Variants in UNC119 observed in about 807,000 individuals in gnomAD.
The protein encoded by UNC119 is protein unc-119 homolog A.
Under a neutral mutation model 22.6 loss-of-function variants are expected in UNC119, and 15 were observed. The observed-to-expected ratio is 0.66, with a 90% CI of 0.44 to 1.02. The LOEUF (loss-of-function observed/expected upper bound fraction) is 1.02. UNC119 is among the 50% of genes least tolerant of loss of function. UNC119 has a pLI of 0.00. For synonymous variants in UNC119, 138 were observed against 139.4 expected, an observed-to-expected ratio of 0.99 and a Z score of 0.07; for missense variants, 322 against 336.0, an observed-to-expected ratio of 0.96 and a Z score of 0.33.
At chr17:28,548,497 C>T (rs1350407164) in intron 2 of UNC119, 95 bp downstream of exon 2, 7 of 1,060,912 alleles carry the variant, frequency 6.6e-6, no homozygotes, top group Admixed American at 3.7e-5. Flanking sequence ...CAAGCCCCAG[C>T]TCTGTGGACT....
In UNC119 at chr17:28,548,094, C is replaced by T. The variant is rs1267378403; in HGVS notation, c.342G>A (p.Leu114=). The change falls in exon 3 of 5, where the codon TTG becomes TTA. Residue 114 remains leucine (L), a synonymous_variant. Transcript: ENST00000335765. ...EIKKPPVSER[L]PINRRDLDPN... is the part of the protein sequence containing the mutation. The stretch of plus-strand genomic sequence containing the variant: ...GGTCCAGGTCCCGCCGGTTGATGGG[C>T]AACCGTTCTGCAATGTACCCCAGCT... The T allele has an allele frequency of 6.2e-7, 1 of 1,613,274 alleles. No individual in the cohort carries two copies. The highest frequency in any genetic ancestry group is 1.7e-5 in the Admixed American group (1 of 59,990).
chr17:28,552,389 T>G lies in UNC119; in HGVS notation c.169A>C (p.Lys57Gln). 1 of 1,551,586 alleles carries G rather than the reference T, an allele frequency of 6.4e-7. No individual in the cohort carries two copies. The highest frequency in any genetic ancestry group is 8.6e-7 in the Non-Finnish European group (1 of 1,156,198). The stretch of plus-strand genomic sequence containing the variant: ...ACGTCCTCCGGCCCGATCGGCTGCT[T>G]CCTCTGCAGCGGCCCCGGCCTGGGC... Reference protein sequence around the residue: ...PGPRPGPLQRKQPIGPEDVLG... With the variant: ...PGPRPGPLQRQQPIGPEDVLG... The change falls in exon 1 of 5, where the codon AAG becomes CAG. Residue 57 changes from lysine (K) to glutamine (Q), a missense_variant. Lys to Gln is a moderately conservative substitution (Grantham distance 53). Coordinates refer to ENST00000335765, the MANE Select transcript of UNC119 (RefSeq NM_005148.4).
At position 28,552,463 on chromosome 17, in the gene UNC119, G is replaced by T. The variant is rs959835728; in HGVS notation, c.95C>A (p.Pro32His). The T allele has an allele frequency of 7.0e-6, 11 of 1,578,546 alleles. No individual in the cohort carries two copies. The highest frequency in any genetic ancestry group is 3.5e-5 in the Admixed American group (2 of 57,876). The stretch of plus-strand genomic sequence containing the variant: ...CTCGGACCCAGATTCGGATTCCGCA[G>T]GCGGCTGTGGTATGGGGGCCACGCT... ...GQSVAPIPQP[P>H]AESESGSESE... Residue 32 changes from proline to histidine, a missense_variant, in exon 1 of 5, where the codon CCT (proline) becomes CAT (histidine). By Grantham distance (77) the Pro-to-His change is moderately conservative. Transcript: ENST00000335765.
chr17:28,551,641 CAG>C (rs1157864657), intron 1 of UNC119: 2 of 153,412 alleles, frequency 1.3e-5, no homozygotes, highest in East Asian at 3.8e-4. Flanking sequence ...AATTATATGG[CAG>C]AGTTGGAACT....
chr17:28,551,857 G>A (rs1030496024), intron 1 of UNC119: 1 of 240,236 alleles, frequency 4.2e-6, no homozygotes, highest in African/African-American at 2.4e-5. Context: ...AAGTCTTCCT[G>A]GAGGATCAGG....
Position 28,552,343 on chromosome 17 carries a change from G to C in UNC119, c.215C>G (p.Thr72Ser). Reference protein sequence around the residue: ...PEDVLGLQRITGDYLCSPEEN... With the variant: ...PEDVLGLQRISGDYLCSPEEN... ...GCTCCCTCGCGGGTGCTCACCACCG[G>C]TGATCCGCTGCAGCCCCAGCACGTC... Residue 72 changes from threonine (T) to serine (S), a missense_variant, in exon 1 of 5, where the codon ACC becomes AGC. Transcript: ENST00000335765. 1 of 1,536,062 alleles carries C rather than the reference G, an allele frequency of 6.5e-7. No homozygotes were observed. Among genetic ancestry groups the C allele is most frequent in the South Asian group, 1.2e-5 (1 of 84,244 alleles).
rs1007666557 is a variant in UNC119 at position 28,552,478 on chromosome 17, G to A, written c.80C>T (p.Pro27Leu). The change falls in exon 1 of 5, where the codon CCC (proline) becomes CTC (leucine). Residue 27 changes from proline to leucine, a missense_variant. Coordinates refer to ENST00000335765, the MANE Select transcript of UNC119 (RefSeq NM_005148.4). Reference sequence around the variant, plus strand: ...GGATTCCGCAGGCGGCTGTGGTATGGGGGCCACGCTCTGGCCCGAGGGCCC... The same window carrying A: ...GGATTCCGCAGGCGGCTGTGGTATGAGGGCCACGCTCTGGCCCGAGGGCCC... ...APGPSGQSVA[P>L]IPQPPAESES... is the part of the protein sequence containing the mutation. The A allele has an allele frequency of 1.9e-6, 3 of 1,577,880 alleles. No individual in the cohort carries two copies. The highest frequency in any genetic ancestry group is 2.7e-5 in the African/African-American group (2 of 72,846).
intron 1 of UNC119, chr17:28,551,490 C>T (rs2070269366): frequency 6.6e-6 from 1 of 152,374 alleles, no homozygotes; most frequent in Admixed American, 6.5e-5. Flanking sequence ...ATGTACACAG[C>T]ATGCATAGAT....
At chr17:28,550,794 T>A (rs758434095) in intron 1 of UNC119, 2 of 152,260 alleles carry the variant, frequency 1.3e-5, no homozygotes, top group Admixed American at 6.5e-5. Context: ...CTAAGGGCTA[T>A]GAATTTCCTC....
Position 28,547,203 on chromosome 17 carries a change from C to G in UNC119, c.*94G>C. On this transcript the variant is annotated 3_prime_UTR_variant, in exon 5 of 5. Transcript: ENST00000335765. ...GGTCCGGAGCTCCTGGAGAACTCCC[C>G]AAGCAGAGGACTTGGGGTTGAGGGG... 5.4e-6 allele frequency: 8 copies of G among 1,493,004 alleles called. No homozygotes were observed. The highest frequency in any genetic ancestry group is 7.4e-6 in the Non-Finnish European group (8 of 1,087,560). The allele number at this position is 1,493,004 out of a possible 1,614,324, so 92.5% of individuals were successfully genotyped here.
intron 1 of UNC119, chr17:28,550,390 A>G (rs1467781800): frequency 6.6e-6 from 1 of 152,206 alleles, no homozygotes; most frequent in African/African-American, 2.4e-5. Flanking sequence ...GTCTAACCTC[A>G]GTCTCTTCTA....
Position 28,547,693 on chromosome 17 carries a change from A to AC in UNC119, c.593_594insG (p.Leu199SerfsTer15). 1.2e-6 allele frequency: 2 copies of AC among 1,614,048 alleles called. No individual in the cohort carries two copies. The highest frequency in any genetic ancestry group is 8.5e-7 in the Non-Finnish European group (1 of 1,179,998). On this transcript the variant is annotated frameshift_variant, in exon 4 of 5. Coordinates refer to ENST00000335765, the MANE Select transcript of UNC119 (RefSeq NM_005148.4). LOFTEE classifies it high-confidence loss of function. ...CCCGCGCACTCAGCTCCTCGGAGAGAGGGGGGAAGTCGTAAATGTGCTCGC... is the reference window on the plus strand; with the variant it reads ...CCCGCGCACTCAGCTCCTCGGAGAGACGGGGGGAAGTCGTAAATGTGCTCGC...
intron 2 of UNC119, 72 bp from the exon 3 acceptor site, chr17:28,548,173 G>A (rs879486042): frequency 1.4e-6 from 2 of 1,463,874 alleles, no homozygotes; most frequent in Admixed American, 2.0e-5. Context: ...TCTACCCTTG[G>A]GTCCCCATCT....
rs1175079945 is a variant in UNC119, at chr17:28,546,787, C to T, written c.*510G>A. The T allele has an allele frequency of 8.9e-6, 2 of 225,004 alleles. No individual in the cohort carries two copies. The highest frequency in any genetic ancestry group is 1.0e-4 in the East Asian group (1 of 9,826). 13.9% of individuals were successfully genotyped at this position (225,004 alleles called of 1,614,324 possible). ...CATGGGCTGCAATCTCAGCCAGTCC[C>T]TCCCACACCTTAGGCAGTGTCTTGG... On this transcript the variant is annotated 3_prime_UTR_variant, in exon 5 of 5. Coordinates refer to ENST00000335765, the MANE Select transcript of UNC119 (RefSeq NM_005148.4).
At position 28,547,735 on chromosome 17, in the gene UNC119, G is replaced by A; in HGVS notation, c.552C>T (p.Pro184=). 1 of 1,614,216 alleles carries A rather than the reference G, an allele frequency of 6.2e-7. No individual in the cohort carries two copies. Among genetic ancestry groups the A allele is most frequent in the Non-Finnish European group, 8.5e-7 (1 of 1,180,038 alleles). Residue 184 remains proline (P), a synonymous_variant, in exon 4 of 5, where the codon CCC becomes CCT. Coordinates refer to ENST00000335765, the MANE Select transcript of UNC119 (RefSeq NM_005148.4). Reference sequence around the variant, plus strand: ...TGTGCTCGCAGGTGTTCTTGCTGCTGGGGATGCAGAAGCCAAAGTGGAAGT... The same window carrying A: ...TGTGCTCGCAGGTGTTCTTGCTGCTAGGGATGCAGAAGCCAAAGTGGAAGT... ...SFDFHFGFCI[P]SSKNTCEHIY... is the part of the protein sequence containing the mutation.
chr17:28,548,041 T>C lies in UNC119; in HGVS notation c.395A>G (p.Gln132Arg). ...CAGGCGGAGGAAGGCAGGCGTGAACTGGTAGCGGACAAAGCGCCCAGCATT... is the reference window on the plus strand; with the variant it reads ...CAGGCGGAGGAAGGCAGGCGTGAACCGGTAGCGGACAAAGCGCCCAGCATT... ...DPNAGRFVRY[Q>R]FTPAFLRLRQ... The change falls in exon 3 of 5, where the codon CAG becomes CGG. Residue 132 changes from glutamine to arginine, a missense_variant. Coordinates refer to ENST00000335765, the MANE Select transcript of UNC119 (RefSeq NM_005148.4). 2 of 1,613,844 alleles carry C rather than the reference T, an allele frequency of 1.2e-6. No individual in the cohort carries two copies. Among genetic ancestry groups the C allele is most frequent in the South Asian group, 1.1e-5 (1 of 91,080 alleles).
At position 28,552,592 on chromosome 17, in the gene UNC119, GC is replaced by G; in HGVS notation, c.-36del. 6.8e-7 allele frequency: 1 copy of G among 1,476,474 alleles called. No homozygotes were observed. The highest frequency in any genetic ancestry group is 8.9e-7 in the Non-Finnish European group (1 of 1,119,348). The allele number at this position is 1,476,474 out of a possible 1,614,324, so 91.5% of individuals were successfully genotyped here. A position where few individuals can be genotyped will look rare whatever the true frequency, so the allele number is the denominator to read the frequency against. ...GGGCCGAGGCTCGCCTGCTGCTGCC[GC>G]CGCTGCCTGCGCCGGCTGGAGCCGG... On this transcript the variant is annotated 5_prime_UTR_variant, in exon 1 of 5. Transcript: ENST00000335765.
At chr17:28,548,253 T>C in intron 2 of UNC119, 152 bp from the exon 3 acceptor site, 1 of 741,326 alleles carries the variant, frequency 1.3e-6, no homozygotes, top group Non-Finnish European at 2.2e-6. Context: ...GGCCAAATAG[T>C]GCCACCTAGG....
At chr17:28,548,845 C>G (rs2070241313) in intron 1 of UNC119, 140 bp from the exon 2 acceptor site, 1 of 656,952 alleles carries the variant, frequency 1.5e-6, no homozygotes, top group Admixed American at 2.6e-5. Flanking sequence ...TCAGTCCCTG[C>G]CCTTGGGGTA....
Sources: allele counts gnomAD v4.1 joint callset, GRCh38; gene constraint gnomAD v4.1.1; transcripts MANE v1.5; gene names NCBI Gene and HGNC (gene_info 2026-07-23, HGNC 2026-07-21).